Variants in NFIA observed in about 807,000 individuals in gnomAD.
The protein encoded by NFIA is nuclear factor 1 A-type.
A neutral mutation model predicts 62.8 loss-of-function variants in NFIA; 8 were observed. The ratio of observed to expected loss-of-function variants is 0.13; its 90% confidence interval spans 0.07 to 0.23. NFIA has a LOEUF of 0.23. NFIA is among the 10% of genes least tolerant of loss of function. The pLI, the probability that NFIA is intolerant of heterozygous loss-of-function variation, is 1.00. For synonymous variants in NFIA, 235 were observed against 238.1 expected (o/e 0.99, Z 0.12); for missense variants, 410 against 642.1 (o/e 0.64, Z 3.91).
Position 61,352,556 on chromosome 1 carries a change from A to G in NFIA, c.807A>G (p.Thr269=), listed in dbSNP as rs750381527. 8.7e-6 allele frequency: 14 copies of G among 1,610,624 alleles called. 1 individual carries two copies. The highest frequency in any genetic ancestry group is 6.7e-5 in the East Asian group (3 of 44,860). ...CAATGAGGAGGTCTTTACCCAGCAC[A>G]TCCTCTACGAGGTAATTTTATTGGC... ...PGAMRRSLPS[T]SSTSSTKRLK... Residue 269 remains threonine, a synonymous_variant, in exon 5 of 11, where the codon ACA becomes ACG. Coordinates refer to ENST00000403491, the MANE Select transcript of NFIA (RefSeq NM_001134673.4).
In NFIA at chr1:61,394,270, TTCAAGC is replaced by T. The variant is rs1182844364; in HGVS notation, c.1076-9833_1076-9828del. On this transcript the variant is annotated intron_variant, in intron 7 of 10. Coordinates refer to ENST00000403491, the MANE Select transcript of NFIA (RefSeq NM_001134673.4). ...CTCACTGCAACCTCTGCCTTCCATG[TTCAAGC>T]AATTCTCCTACCTCAGCCTCCTGAG... Among the ~76,000 whole-genome samples the T allele has an allele frequency of 7.2e-5, 11 of 152,320 alleles. No individual in the cohort carries two copies. The East Asian group carries it at 1.7e-3, about 24-fold the overall frequency.
In NFIA at chr1:61,241,491, G is replaced by A. The variant is rs147235941; in HGVS notation, c.560-36029G>A. Among the ~76,000 whole-genome samples the A allele has an allele frequency of 7.2e-5, 11 of 152,116 alleles. No individual in the cohort carries two copies. In the East Asian group the frequency reaches 1.2e-3, roughly 16 times the overall value. The stretch of plus-strand genomic sequence containing the variant: ...TTAATGTGGACTATTTTTAACTAGC[G>A]TTCTATTTAAACAGTGTCAGTGAAT... On this transcript the variant is annotated intron_variant, in intron 2 of 10. Transcript: ENST00000403491.
chr1:61,263,150 G>C (rs1424069430), intron 2 of NFIA, among the ~76,000 whole-genome samples: 4 of 151,956 alleles, frequency 2.6e-5, no homozygotes, highest in African/African-American at 9.7e-5. Context: ...TCCCAATAAT[G>C]ATTTGTTTTT....
intron 1 of NFIA, among the ~76,000 whole-genome samples, chr1:61,086,124 GTCC>G (rs1026264969): frequency 2.0e-5 from 3 of 152,104 alleles, no homozygotes; most frequent in African/African-American, 7.2e-5. Context: ...TTAAAATGAA[GTCC>G]TCCTTTTGGT....
intron 6 of NFIA, among the ~76,000 whole-genome samples, chr1:61,379,817 T>C (rs1260339675): frequency 6.6e-6 from 1 of 152,162 alleles, no homozygotes; most frequent in Non-Finnish European, 1.5e-5. Flanking sequence ...CCTCCCACAG[T>C]GCTGAGATTA....
At chr1:61,313,127 T>C (rs1051187523) in intron 3 of NFIA, among the ~76,000 whole-genome samples, 3 of 152,102 alleles carry the variant, frequency 2.0e-5, no homozygotes, top group African/African-American at 7.2e-5. Context: ...CGGTGACAAA[T>C]TGTATTCAGA....
intron 3 of NFIA, among the ~76,000 whole-genome samples, chr1:61,297,072 A>T (rs1171751503): frequency 1.3e-5 from 2 of 152,258 alleles, no homozygotes; most frequent in Non-Finnish European, 2.9e-5. Flanking sequence ...AATGAAAGTT[A>T]TATGAACCAC....
intron 2 of NFIA, among the ~76,000 whole-genome samples, chr1:61,155,766 C>T (rs1477921626): frequency 6.6e-6 from 1 of 151,206 alleles, no homozygotes; most frequent in Non-Finnish European, 1.5e-5. Context: ...AGTTTCATTG[C>T]AAAAGTTTCA....
intron 2 of NFIA, among the ~76,000 whole-genome samples, chr1:61,182,739 GTCCA>G (rs1456833256): frequency 6.6e-6 from 1 of 152,038 alleles, no homozygotes; most frequent in Non-Finnish European, 1.5e-5. Context: ...CGAAGTTTTT[GTCCA>G]GTTTTCTGTA....
At chr1:61,380,149 A>G (rs985596687) in intron 6 of NFIA, among the ~76,000 whole-genome samples, 18 of 152,138 alleles carry the variant, frequency 1.2e-4, no homozygotes, top group Admixed American at 4.6e-4. Flanking sequence ...CTCCAATTCT[A>G]TTTACTCTCA....
chr1:61,135,977 T>TA (rs1420010249), intron 2 of NFIA, among the ~76,000 whole-genome samples: 5 of 152,216 alleles, frequency 3.3e-5, no homozygotes, highest in African/African-American at 1.2e-4. Context: ...ACCCTCCGCT[T>TA]ACGCTCGCAT....
intron 2 of NFIA, among the ~76,000 whole-genome samples, chr1:61,218,784 T>C (rs1301689486): frequency 6.6e-6 from 1 of 152,256 alleles, no homozygotes; most frequent in Non-Finnish European, 1.5e-5. Context: ...TGATGGTCAC[T>C]GAGTTTGTTT....
chr1:61,152,521 T>C (rs2100523199), intron 2 of NFIA, among the ~76,000 whole-genome samples: 1 of 152,316 alleles, frequency 6.6e-6, no homozygotes, highest in East Asian at 1.9e-4. Context: ...CAAAGCCCCA[T>C]AGTGCTGCCA....
chr1:61,219,180 T>G (rs1427717544), intron 2 of NFIA, among the ~76,000 whole-genome samples: 5 of 150,720 alleles, frequency 3.3e-5, no homozygotes. Flanking sequence ...TGCAGTAAGC[T>G]GAGATCAGGT....
At chr1:61,157,755 T>G (rs143506906) in intron 2 of NFIA, among the ~76,000 whole-genome samples, 3 of 152,256 alleles carry the variant, frequency 2.0e-5, no homozygotes, top group Admixed American at 6.5e-5. Context: ...ACCAACCACA[T>G]AGCTTCTCTG....
At chr1:61,432,240 A>T (rs565150042) in intron 10 of NFIA, among the ~76,000 whole-genome samples, 101 of 146,364 alleles carry the variant, frequency 6.9e-4, no homozygotes, top group Non-Finnish European at 1.2e-3. Context: ...TTTTTTTGCC[A>T]ATCAGATGGT....
chr1:61,112,729 A>G (rs1267070054), intron 2 of NFIA, among the ~76,000 whole-genome samples: 1 of 152,218 alleles, frequency 6.6e-6, no homozygotes, highest in East Asian at 1.9e-4. Flanking sequence ...ATTTAAAATT[A>G]GAGACATGTT....
At chr1:61,374,461 G>A (rs1450872105) in intron 6 of NFIA, among the ~76,000 whole-genome samples, 1 of 152,128 alleles carries the variant, frequency 6.6e-6, no homozygotes, top group African/African-American at 2.4e-5. Context: ...CTTGAAAGGA[G>A]AGGAAATCCC....
intron 2 of NFIA, among the ~76,000 whole-genome samples, chr1:61,096,875 A>G (rs1261029918): frequency 1.3e-5 from 2 of 152,066 alleles, no homozygotes; most frequent in Non-Finnish European, 2.9e-5. Flanking sequence ...TAATGATTTC[A>G]GTGCAAAAAC....
Sources: allele counts gnomAD v4.1 joint callset (sites outside exome capture counted in the v4.1 genomes callset), GRCh38; gene constraint gnomAD v4.1.1; transcripts MANE v1.5; gene names NCBI Gene and HGNC (gene_info 2026-07-23, HGNC 2026-07-21).